ARHGAP24: variants seen among roughly 807,000 people sequenced by gnomAD.
ARHGAP24 encodes the protein Rho GTPase activating protein 24.
ARHGAP24 carries 50 observed loss-of-function variants against 76.4 expected under a neutral mutation model. That is an observed-to-expected ratio of 0.65 (90% CI 0.52 to 0.83). ARHGAP24 has a LOEUF of 0.83. ARHGAP24 is among the 40% of genes least tolerant of loss of function. The probability of loss-of-function intolerance (pLI) is 0.00; values close to 1 mark genes in which losing one functional copy is unlikely to be tolerated. For missense variants in ARHGAP24, 930 were observed against 914.2 expected (o/e 1.02, Z -0.22); for synonymous variants, 345 against 323.3 (o/e 1.07, Z -0.72).
intron 3 of ARHGAP24, among the ~76,000 whole-genome samples, chr4:85,815,781 C>T (rs1461330911): frequency 2.0e-5 from 3 of 152,200 alleles, no homozygotes; most frequent in Non-Finnish European, 4.4e-5. Flanking sequence ...AGCCACACCC[C>T]ACTCTACTGT....
At chr4:85,972,475 C>T in intron 6 of ARHGAP24, 1 of 368,778 alleles carries the variant, frequency 2.7e-6, no homozygotes, top group South Asian at 2.7e-5. Flanking sequence ...ACTGCTGTGT[C>T]TCATAATCTT....
At chr4:85,605,206 A>G (rs1720153455) in intron 2 of ARHGAP24, among the ~76,000 whole-genome samples, 1 of 152,218 alleles carries the variant, frequency 6.6e-6, no homozygotes, top group Non-Finnish European at 1.5e-5. Flanking sequence ...GTCATAAAAT[A>G]AAGTTACAGA....
In ARHGAP24 at chr4:85,683,117, T is replaced by TGGG. The variant is rs201448168; in HGVS notation, c.181-38760_181-38758dup. ...TTAACTCTCTCAGTGTGTGGGGGGGTGGGGGGGGGGTGCGGGGGCTGTAAA... is the reference window on the plus strand; with the variant it reads ...TTAACTCTCTCAGTGTGTGGGGGGGTGGGGGGGGGGGGGTGCGGGGGCTGTAAA... On this transcript the variant is annotated intron_variant, in intron 2 of 9. Transcript: ENST00000395184. 6.2e-3 allele frequency among the ~76,000 whole-genome samples: 353 copies of TGGG among 56,938 alleles called. 3 individuals are homozygous for TGGG. The highest frequency in any genetic ancestry group is 9.7e-3 in the East Asian group (8 of 822). 37.4% of individuals were successfully genotyped at this position (56,938 alleles called of 152,430 possible).
At chr4:85,835,701 T>A (rs1420104772) in intron 3 of ARHGAP24, among the ~76,000 whole-genome samples, 1 of 151,988 alleles carries the variant, frequency 6.6e-6, no homozygotes, top group Non-Finnish European at 1.5e-5. Flanking sequence ...TTGTTTGTTT[T>A]TTGAGATGGA....
At chr4:85,680,518 C>T (rs1015341248) in intron 2 of ARHGAP24, among the ~76,000 whole-genome samples, 3 of 151,928 alleles carry the variant, frequency 2.0e-5, no homozygotes, top group Non-Finnish European at 4.4e-5. Flanking sequence ...ATCACAGACC[C>T]AGGAGTTATG....
chr4:85,782,925 A>G (rs1158312301), intron 3 of ARHGAP24, among the ~76,000 whole-genome samples: 1 of 152,212 alleles, frequency 6.6e-6, no homozygotes, highest in Non-Finnish European at 1.5e-5. Flanking sequence ...GACATCGACA[A>G]ATAAAATGAT....
At chr4:85,771,203 T>G (rs2904075) in intron 3 of ARHGAP24, among the ~76,000 whole-genome samples, 2 of 152,144 alleles carry the variant, frequency 1.3e-5, no homozygotes, top group Admixed American at 6.5e-5. Context: ...TTGGCTCACA[T>G]GATTATGGTG....
At chr4:85,565,691 C>T (rs747619214) in intron 1 of ARHGAP24, among the ~76,000 whole-genome samples, 26 of 152,146 alleles carry the variant, frequency 1.7e-4, no homozygotes, top group Admixed American at 2.6e-4. Flanking sequence ...CTAGCTCTCT[C>T]CTACTATTTC....
At position 86,001,079 on chromosome 4, in the gene ARHGAP24, T is replaced by C; in HGVS notation, c.*357T>C. On this transcript the variant is annotated 3_prime_UTR_variant, in exon 10 of 10. Coordinates refer to ENST00000395184, the MANE Select transcript of ARHGAP24 (RefSeq NM_001025616.3). ...GCTTTCAAGCTTCACCCCTTGCACTTAACATAAGCTATTTTTGGCATTGTG... is the reference window on the plus strand; with the variant it reads ...GCTTTCAAGCTTCACCCCTTGCACTCAACATAAGCTATTTTTGGCATTGTG... 2.4e-6 allele frequency: 1 copy of C among 411,080 alleles called. No individual in the cohort carries two copies. The highest frequency in any genetic ancestry group is 4.3e-6 in the Non-Finnish European group (1 of 234,308). The allele number at this position is 411,080 out of a possible 1,614,324, so 25.5% of individuals were successfully genotyped here.
At chr4:85,823,231 T>C (rs1177806792) in intron 3 of ARHGAP24, among the ~76,000 whole-genome samples, 3 of 152,222 alleles carry the variant, frequency 2.0e-5, no homozygotes, top group African/African-American at 7.2e-5. Context: ...ATTAACATCA[T>C]AGTGCATATT....
chr4:85,649,877 T>C (rs1239596762), intron 2 of ARHGAP24, among the ~76,000 whole-genome samples: 1 of 152,170 alleles, frequency 6.6e-6, no homozygotes, highest in East Asian at 1.9e-4. Context: ...TTAGGCTTCA[T>C]AATGCCTTTA....
chr4:85,481,050 G>A (rs961764443), intron 1 of ARHGAP24, among the ~76,000 whole-genome samples: 4 of 151,928 alleles, frequency 2.6e-5, no homozygotes, highest in African/African-American at 9.7e-5. Context: ...CCCTCTCCTT[G>A]AATCTAAGAC....
chr4:85,995,663 G>A lies in ARHGAP24; in HGVS notation c.2003+6G>A. On this transcript the variant is annotated splice_donor_region_variant and intron_variant, in intron 9 of 9. Coordinates refer to ENST00000395184, the MANE Select transcript of ARHGAP24 (RefSeq NM_001025616.3). The stretch of plus-strand genomic sequence containing the variant: ...TATGAGTCCAGGATAAAGAGGTAAG[G>A]AAAATCTGGAGGTCGTAACTACCAG... 3 of 1,613,522 alleles carry A rather than the reference G, an allele frequency of 1.9e-6. No individual in the cohort carries two copies. The highest frequency in any genetic ancestry group is 2.5e-6 in the Non-Finnish European group (3 of 1,179,682).
rs186020558 is a variant in ARHGAP24, at chr4:85,694,880, A to C, written c.181-27005A>C. Among the ~76,000 whole-genome samples, 131 of 152,310 alleles carry C rather than the reference A, an allele frequency of 8.6e-4. 1 individual carries two copies. The highest frequency in any genetic ancestry group is 5.2e-3 in the South Asian group (25 of 4,828). ...GCTATGACGCTCTTGTCTTAAATAA[A>C]ACTCCTCAAATAACAAGTCAGACCC... On this transcript the variant is annotated intron_variant, in intron 2 of 9. Transcript: ENST00000395184.
intron 2 of ARHGAP24, among the ~76,000 whole-genome samples, chr4:85,617,427 C>T (rs55962316): frequency 0.053 from 8,122 of 151,968 alleles, 705 homozygotes; most frequent in African/African-American, 0.18. Context: ...TCAGTGCACA[C>T]GCAATCATGC....
chr4:85,758,160 A>T (rs1560618807), intron 3 of ARHGAP24, among the ~76,000 whole-genome samples: 1 of 152,206 alleles, frequency 6.6e-6, no homozygotes, highest in East Asian at 1.9e-4. Flanking sequence ...TGTGTGTTTC[A>T]CCAAAACTGA....
At chr4:85,896,975 A>C (rs555441158) in intron 3 of ARHGAP24, among the ~76,000 whole-genome samples, 1 of 152,138 alleles carries the variant, frequency 6.6e-6, no homozygotes, top group Non-Finnish European at 1.5e-5. Context: ...TTTAGACTTC[A>C]TCCTGTCTTT....
intron 3 of ARHGAP24, among the ~76,000 whole-genome samples, chr4:85,757,971 T>A (rs1336307419): frequency 6.6e-6 from 1 of 152,210 alleles, no homozygotes; most frequent in Admixed American, 6.5e-5. Flanking sequence ...TGGCCAGTGA[T>A]GATGAGCATT....
chr4:85,917,088 A>C (rs1027903226), intron 3 of ARHGAP24, among the ~76,000 whole-genome samples: 1 of 151,662 alleles, frequency 6.6e-6, no homozygotes, highest in African/African-American at 2.4e-5. Context: ...ACAGTCCCCA[A>C]AGTGTGATGT....
Sources: allele counts gnomAD v4.1 joint callset (sites outside exome capture counted in the v4.1 genomes callset), GRCh38; gene constraint gnomAD v4.1.1; transcripts MANE v1.5; gene names NCBI Gene and HGNC (gene_info 2026-07-23, HGNC 2026-07-21).